Variants in TAF4 observed in about 807,000 individuals in gnomAD.
TAF4 encodes the protein TATA-box binding protein associated factor 4.
TAF4 carries 9 observed loss-of-function variants against 90.3 expected under a neutral mutation model. The ratio of observed to expected loss-of-function variants is 0.10; its 90% CI spans 0.06 to 0.17. The LOEUF is 0.17. TAF4 is among the 10% of genes least tolerant of loss of function. The pLI, the probability that TAF4 is intolerant of heterozygous loss-of-function variation, is 1.00. For missense variants in TAF4, 1,351 were observed against 1,370.7 expected (o/e 0.99, Z 0.23); for synonymous variants, 818 against 638.9 (o/e 1.28, Z -4.23).
At chr20:62,012,319 G>C (rs191000926) in intron 3 of TAF4, 2 of 152,618 alleles carry the variant, frequency 1.3e-5, no homozygotes, top group Non-Finnish European at 2.9e-5. Flanking sequence ...GCCGCACCAC[G>C]AGATGAAGGG....
chr20:61,978,707 A>G (rs2055514429), intron 14 of TAF4, among the ~76,000 whole-genome samples: 1 of 151,956 alleles, frequency 6.6e-6, no homozygotes, highest in African/African-American at 2.4e-5. Flanking sequence ...GAGACCAACC[A>G]AGGGAGGGGG....
At chr20:62,046,136 A>G (rs1175145321) in intron 1 of TAF4, among the ~76,000 whole-genome samples, 2 of 152,208 alleles carry the variant, frequency 1.3e-5, no homozygotes, top group Non-Finnish European at 2.9e-5. Flanking sequence ...ACAAATGACA[A>G]CCACAGCCAT....
intron 1 of TAF4, among the ~76,000 whole-genome samples, chr20:62,024,666 C>T (rs2055864762): frequency 6.6e-6 from 1 of 152,094 alleles, no homozygotes; most frequent in Non-Finnish European, 1.5e-5. Flanking sequence ...GTCAGGAGTT[C>T]GAGACCAGCT....
At chr20:61,996,124 G>C (rs1204249586) in intron 14 of TAF4, among the ~76,000 whole-genome samples, 2 of 152,154 alleles carry the variant, frequency 1.3e-5, no homozygotes, top group Non-Finnish European at 2.9e-5. Flanking sequence ...AGTCATGCCA[G>C]AGACATGAAG....
chr20:61,994,510 G>T (rs775664536), intron 14 of TAF4, among the ~76,000 whole-genome samples: 22 of 152,248 alleles, frequency 1.4e-4, no homozygotes, highest in Non-Finnish European at 2.2e-4. Flanking sequence ...ACTGTCCCAG[G>T]AGGGATTTCT....
At chr20:61,994,389 T>C (rs971713165) in intron 14 of TAF4, among the ~76,000 whole-genome samples, 5 of 152,254 alleles carry the variant, frequency 3.3e-5, no homozygotes, top group Non-Finnish European at 7.3e-5. Context: ...ACTTACTTAC[T>C]TATTTCTGGC....
intron 1 of TAF4, among the ~76,000 whole-genome samples, chr20:62,038,555 A>G (rs2055946665): frequency 6.6e-6 from 1 of 152,200 alleles, no homozygotes; most frequent in South Asian, 2.1e-4. Context: ...CGTACATGGC[A>G]TAAAATATGA....
intron 1 of TAF4, among the ~76,000 whole-genome samples, chr20:62,036,346 A>C (rs968989546): frequency 2.0e-5 from 3 of 152,240 alleles, no homozygotes; most frequent in Non-Finnish European, 4.4e-5. Flanking sequence ...TTTTAAGTGA[A>C]AATTAAGACA....
chr20:62,024,712 T>A (rs1040780465), intron 1 of TAF4, among the ~76,000 whole-genome samples: 71 of 151,856 alleles, frequency 4.7e-4, no homozygotes, highest in Non-Finnish European at 1.0e-4. Context: ...CTACTAAAAA[T>A]ACAAAAAATT....
chr20:62,060,087 G>A (rs1037118272), intron 1 of TAF4, among the ~76,000 whole-genome samples: 7 of 152,172 alleles, frequency 4.6e-5, no homozygotes, highest in African/African-American at 9.7e-5. Flanking sequence ...GCCGCCTCCC[G>A]GCCTCCCTGT....
chr20:61,998,543 G>A (rs1049773306), intron 12 of TAF4, among the ~76,000 whole-genome samples: 23 of 152,284 alleles, frequency 1.5e-4, no homozygotes, highest in African/African-American at 5.3e-4. Flanking sequence ...GACAGCCTGT[G>A]GCTGTGATCA....
chr20:62,000,466 C>G, intron 10 of TAF4, 86 bp downstream of exon 10: 1 of 1,457,878 alleles, frequency 6.9e-7, no homozygotes. Context: ...AACACATGAC[C>G]AGGTGTCAGG....
Position 62,010,176 on chromosome 20 carries a change from C to A in TAF4, c.1642-11G>T. On this transcript the variant is annotated splice_polypyrimidine_tract_variant and intron_variant, in intron 3 of 14. Transcript: ENST00000252996. The surrounding 1 kb of genome is among the most constrained non-coding windows in gnomAD (Gnocchi z 4.5). ...CAGAACGAGCTGAGGCTACAAGAAT[C>A]CAAAAACACAAGGTAAGGGCATCTC... 2 of 1,613,704 alleles carry A rather than the reference C, an allele frequency of 1.2e-6. No homozygotes were observed. Among genetic ancestry groups the A allele is most frequent in the African/African-American group, 2.7e-5 (2 of 74,988 alleles).
chr20:62,044,496 CA>C (rs2055981822), intron 1 of TAF4, among the ~76,000 whole-genome samples: 1 of 152,114 alleles, frequency 6.6e-6, no homozygotes, highest in Non-Finnish European at 1.5e-5. Flanking sequence ...ATAACCAACA[CA>C]AAAAAGGATC....
Position 62,064,663 on chromosome 20 carries a change from A to T in TAF4, c.1148T>A (p.Leu383Gln), listed in dbSNP as rs2056112114. 9 of 1,296,230 alleles carry T rather than the reference A, an allele frequency of 6.9e-6. No individual in the cohort carries two copies. In the South Asian group the frequency reaches 1.7e-4, roughly 24 times the overall value. 80.3% of individuals were successfully genotyped at this position (1,296,230 alleles called of 1,614,324 possible). A position where few individuals can be genotyped will look rare whatever the true frequency, so the allele number is the denominator to read the frequency against. Reference sequence around the variant, plus strand: ...CGGCGGGACGGCGGCCGGGCTGGGCAGCGCCCCTTGCATAGTTGGCCCGAT... The same window carrying T: ...CGGCGGGACGGCGGCCGGGCTGGGCTGCGCCCCTTGCATAGTTGGCCCGAT... ...MVIGPTMQGA[L>Q]PSPAAVPPPA... The change falls in exon 1 of 15, where the codon CTG (leucine) becomes CAG (glutamine). Residue 383 changes from leucine to glutamine, a missense_variant. By Grantham distance (113) the Leu-to-Gln change is moderately radical. Transcript: ENST00000252996.
intron 14 of TAF4, among the ~76,000 whole-genome samples, chr20:61,997,312 C>T (rs1170384552): frequency 6.6e-6 from 1 of 152,218 alleles, no homozygotes; most frequent in African/African-American, 2.4e-5. Context: ...CCAGCCTAAA[C>T]CTCATCACAG....
chr20:62,058,949 G>C (rs1404809523), intron 1 of TAF4, among the ~76,000 whole-genome samples: 1 of 113,176 alleles, frequency 8.8e-6, no homozygotes, highest in Non-Finnish European at 1.8e-5. Context: ...AGGAAGGACG[G>C]ACACAGGTCT....
At position 62,006,782 on chromosome 20, in the gene TAF4, G is replaced by C. The variant is rs2055748945; in HGVS notation, c.1975-24C>G. 6.9e-7 allele frequency: 1 copy of C among 1,456,960 alleles called. No homozygotes were observed. Among genetic ancestry groups the C allele is most frequent in the African/African-American group, 1.5e-5 (1 of 68,852 alleles). The allele number at this position is 1,456,960 out of a possible 1,614,324, so 90.3% of individuals were successfully genotyped here. ...CTCTGGGTGGAAAGACAGACACGAG[G>C]GGTCAGGCGGCTGCTCATGCGTCGG... On this transcript the variant is annotated intron_variant, in intron 6 of 14. Transcript: ENST00000252996. This position sits in a 1 kb window ranked among gnomAD's most constrained non-coding sequence, Gnocchi z 7.0.
chr20:62,056,728 G>A (rs1169629875), intron 1 of TAF4, among the ~76,000 whole-genome samples: 1 of 152,120 alleles, frequency 6.6e-6, no homozygotes, highest in Admixed American at 6.5e-5. Context: ...CGAAATTTTA[G>A]CAGTCTGGGC....
Sources: allele counts gnomAD v4.1 joint callset (sites outside exome capture counted in the v4.1 genomes callset), GRCh38; gene constraint gnomAD v4.1.1; non-coding constraint Gnocchi (gnomAD v3.1); transcripts MANE v1.5; gene names NCBI Gene and HGNC (gene_info 2026-07-23, HGNC 2026-07-21).